Variants in RRH observed in about 807,000 individuals in gnomAD.
The protein encoded by RRH is retinal pigment epithelium-derived rhodopsin homolog, also known as visual pigment-like receptor peropsin.
RRH carries 36 observed loss-of-function variants against 33.1 expected under a neutral mutation model. That is an observed-to-expected ratio of 1.09 (90% CI 0.83 to 1.44). RRH has a LOEUF of 1.44. Among genes scored for constraint, RRH ranks in the 40% most tolerant of loss-of-function variants. The pLI is 0.00. For missense variants in RRH, 393 were observed against 420.2 expected (o/e 0.94, Z 0.57); for synonymous variants, 124 against 140.2 (o/e 0.88, Z 0.82).
At chr4:109,838,383 CT>C (rs757556620) in intron 5 of RRH, among the ~76,000 whole-genome samples, 1 of 152,190 alleles carries the variant, frequency 6.6e-6, no homozygotes, top group Non-Finnish European at 1.5e-5. Context: ...CTGCTTTGAA[CT>C]GATTGCTCCT....
At chr4:109,830,896 G>A (rs1733735606) in intron 1 of RRH, among the ~76,000 whole-genome samples, 1 of 152,162 alleles carries the variant, frequency 6.6e-6, no homozygotes, top group African/African-American at 2.4e-5. Context: ...GAAGGAAAAT[G>A]TTTCAAGAGT....
Position 109,840,226 on chromosome 4 carries a change from CT to C in RRH, c.721-2232del, listed in dbSNP as rs149725191. On this transcript the variant is annotated intron_variant, in intron 5 of 6. Coordinates refer to ENST00000317735, the MANE Select transcript of RRH (RefSeq NM_006583.5). ...CATTTCTCTCATGATCAGTGATGAG[CT>C]TTTTTTTTTTCATGTTTCTTGGCTG... 0.011 allele frequency among the ~76,000 whole-genome samples: 1,673 copies of C among 145,996 alleles called. 79 individuals are homozygous for C. In the East Asian group the frequency reaches 0.12, roughly 10 times the overall value.
At position 109,836,104 on chromosome 4, in the gene RRH, T is replaced by G; in HGVS notation, c.495T>G (p.Ser165Arg). ...TGATGCCTATCATAGGGTGGGCTAG[T>G]TATGCCCCAGATCCTACTGGTGCTA... is the stretch of plus-strand genomic sequence containing the variant. ...WALMPIIGWA[S>R]YAPDPTGATC... The change falls in exon 4 of 7, where the codon AGT becomes AGG. Residue 165 changes from serine (S) to arginine (R), a missense_variant. Coordinates refer to ENST00000317735, the MANE Select transcript of RRH (RefSeq NM_006583.5). 6.2e-7 allele frequency: 1 copy of G among 1,614,114 alleles called. No individual in the cohort carries two copies.
chr4:109,842,564 TC>T lies in RRH; in HGVS notation c.822del (p.Met275TrpfsTer4), dbSNP rs760466752. 1.5e-5 allele frequency: 24 copies of T among 1,613,868 alleles called. No individual in the cohort carries two copies. The highest frequency in any genetic ancestry group is 1.9e-5 in the Non-Finnish European group (22 of 1,179,882). On this transcript the variant is annotated frameshift_variant, in exon 6 of 7. Transcript: ENST00000317735. LOFTEE classifies it high-confidence loss of function. ...ASFGDPKKIP[P>X]PMAIIAPLFA... ...CTTTTGGTGACCCAAAGAAGATTCCTCCCCCCATGGCCATCATAGCTCCACT... is the reference window on the plus strand; with the variant it reads ...CTTTTGGTGACCCAAAGAAGATTCCTCCCCCATGGCCATCATAGCTCCACT...
chr4:109,838,017 C>T (rs868119860), intron 5 of RRH, among the ~76,000 whole-genome samples: 1 of 152,084 alleles, frequency 6.6e-6, no homozygotes, highest in Non-Finnish European at 1.5e-5. Context: ...TGACCTCAGG[C>T]GATCCACCTG....
chr4:109,833,744 C>T (rs927916963), intron 2 of RRH, among the ~76,000 whole-genome samples: 1 of 152,064 alleles, frequency 6.6e-6, no homozygotes, highest in Admixed American at 6.6e-5. Flanking sequence ...AGAAAGTCCT[C>T]CATAAGAATT....
rs578193152 is a variant in RRH, at chr4:109,842,625, A to G, written c.877A>G (p.Ile293Val). The G allele has an allele frequency of 6.2e-7, 1 of 1,613,876 alleles. No individual in the cohort carries two copies. Among genetic ancestry groups the G allele is most frequent in the Non-Finnish European group, 8.5e-7 (1 of 1,179,766 alleles). ...AKSSTFYNPC[I>V]YVVANKKFRR... ...ATCTTCTACATTCTATAACCCCTGC[A>G]TTTATGTGGTTGCTAATAAAAAGTA... Residue 293 changes from isoleucine (I) to valine (V), a missense_variant, in exon 6 of 7, where the codon ATT (isoleucine) becomes GTT (valine). By Grantham distance (29) the Ile-to-Val change is conservative (BLOSUM62 3). Coordinates refer to ENST00000317735, the MANE Select transcript of RRH (RefSeq NM_006583.5).
At chr4:109,831,814 A>G (rs1404264863) in intron 1 of RRH, among the ~76,000 whole-genome samples, 1 of 152,162 alleles carries the variant, frequency 6.6e-6, no homozygotes, top group Non-Finnish European at 1.5e-5. Context: ...AGTGGGAAAT[A>G]CTACAAGTTT....
chr4:109,841,500 G>T (rs1158112417), intron 5 of RRH, among the ~76,000 whole-genome samples: 1 of 152,080 alleles, frequency 6.6e-6, no homozygotes, highest in Non-Finnish European at 1.5e-5. Flanking sequence ...GTGGACAGGG[G>T]TAAAGATTTG....
Position 109,828,104 on chromosome 4 carries a change from A to G in RRH, c.77A>G (p.Asn26Ser), listed in dbSNP as rs1442986183. ...DGSVFSQTEHNIVATYLIMAG... is the reference protein window; with the variant it reads ...DGSVFSQTEHSIVATYLIMAG... ...TCGGTCTTTTCACAGACTGAACACA[A>G]TATTGTTGCAACTTACTTGATTATG... The change falls in exon 1 of 7, where the codon AAT becomes AGT. Residue 26 changes from asparagine (N) to serine (S), a missense_variant. By Grantham distance (46) the Asn-to-Ser change is conservative. Transcript: ENST00000317735. The G allele has an allele frequency of 4.3e-6, 7 of 1,611,478 alleles. No homozygotes were observed. Among genetic ancestry groups the G allele is most frequent in the Admixed American group, 1.7e-5 (1 of 59,994 alleles).
rs751759097 is a variant in RRH, at chr4:109,835,408, G to A, written c.340G>A (p.Gly114Arg). 6.8e-6 allele frequency: 11 copies of A among 1,613,896 alleles called. No individual in the cohort carries two copies. In the East Asian group the frequency reaches 1.8e-4, roughly 26 times the overall value. The change falls in exon 3 of 7, where the codon GGA becomes AGA. Residue 114 changes from glycine to arginine, a missense_variant. Gly to Arg is a moderately radical substitution (Grantham distance 125). Transcript: ENST00000317735. ...LNIFFGMASI[G>R]LLTVVAVDRY... ...TATTTTTTTTGGAATGGCAAGCATT[G>A]GATTACTCACGGTCGTGGCTGTGGA...
intron 1 of RRH, among the ~76,000 whole-genome samples, chr4:109,831,971 T>C (rs1173394513): frequency 2.0e-5 from 3 of 151,936 alleles, no homozygotes; most frequent in Admixed American, 2.0e-4. Context: ...ATGTTAAAAG[T>C]TTTTACTGAG....
chr4:109,841,751 A>T (rs1468419890), intron 5 of RRH, among the ~76,000 whole-genome samples: 1 of 152,048 alleles, frequency 6.6e-6, no homozygotes, highest in Admixed American at 6.6e-5. Flanking sequence ...CATTTTTTCC[A>T]TTAAAAATAT....
At chr4:109,835,557 T>G in intron 3 of RRH, 92 bp downstream of exon 3, 1 of 927,588 alleles carries the variant, frequency 1.1e-6, no homozygotes, top group Non-Finnish European at 1.8e-6. Flanking sequence ...ACCTAATGGT[T>G]TGTAGTTAGG....
At chr4:109,839,621 C>T (rs1476818940) in intron 5 of RRH, among the ~76,000 whole-genome samples, 1 of 152,152 alleles carries the variant, frequency 6.6e-6, no homozygotes, top group Non-Finnish European at 1.5e-5. Flanking sequence ...CCTCCCTCTA[C>T]CCTTCAACAA....
In RRH at chr4:109,835,494, G is replaced by A. The variant is rs538582435; in HGVS notation, c.397+29G>A. 5 of 1,519,912 alleles carry A rather than the reference G, an allele frequency of 3.3e-6. No individual in the cohort carries two copies. The South Asian group carries it at 5.6e-5, about 17-fold the overall frequency. The allele number at this position is 1,519,912 out of a possible 1,614,324, so 94.2% of individuals were successfully genotyped here. Reference sequence around the variant, plus strand: ...CAACACTTTTCTCAGCTTTCTTAATGAATCCATTTCTTGACTAATGGCCAC... The same window carrying A: ...CAACACTTTTCTCAGCTTTCTTAATAAATCCATTTCTTGACTAATGGCCAC... On this transcript the variant is annotated intron_variant, in intron 3 of 6. Coordinates refer to ENST00000317735, the MANE Select transcript of RRH (RefSeq NM_006583.5).
At chr4:109,835,320 GGGAGGGTGTTTA>G in intron 2 of RRH, 34 bp from the exon 3 acceptor site, 1 of 1,267,378 alleles carries the variant, frequency 7.9e-7, no homozygotes, top group Non-Finnish European at 1.2e-6. Context: ...AATGTTTCTT[GGGAGGGTGTTTA>G]GAATGGTAGA....
intron 6 of RRH, among the ~76,000 whole-genome samples, chr4:109,843,699 C>T (rs1002136409): frequency 6.6e-6 from 1 of 152,186 alleles, no homozygotes; most frequent in Non-Finnish European, 1.5e-5. Context: ...GGATGAAATA[C>T]ACATTGTTAG....
chr4:109,843,360 G>A lies in RRH; in HGVS notation c.899+713G>A, dbSNP rs148511294. ...CGAGTAGCTGGGATTACAGGTGCCC[G>A]CCACCACACCCGGCTAATTTTTGTA... On this transcript the variant is annotated intron_variant, in intron 6 of 6. Coordinates refer to ENST00000317735, the MANE Select transcript of RRH (RefSeq NM_006583.5). Among the ~76,000 whole-genome samples, 1,633 of 152,168 alleles carry A rather than the reference G, an allele frequency of 0.011. 78 individuals are homozygous for A. The East Asian group carries it at 0.12, about 11-fold the overall frequency.
Sources: gnomAD v4.1 joint callset for allele counts (sites outside exome capture counted in the v4.1 genomes callset) on GRCh38, gnomAD v4.1.1 for gene constraint, MANE v1.5 for transcripts, NCBI Gene and HGNC (gene_info 2026-07-23, HGNC 2026-07-21) for gene names.